TMEM144: variants seen among roughly 807,000 people sequenced by gnomAD.
TMEM144 encodes the protein transmembrane protein 144.
In TMEM144, 39 loss-of-function variants were observed where a neutral mutation model predicts 43.6. That is an observed-to-expected ratio of 0.90 (90% CI 0.69 to 1.17). The LOEUF is 1.17. Ranked by LOEUF, TMEM144 falls within the 50% of genes most tolerant of loss-of-function variation. The probability of loss-of-function intolerance (pLI) is 0.00; values close to 1 mark genes in which losing one functional copy is unlikely to be tolerated. For synonymous variants in TMEM144, 154 were observed against 133.6 expected (o/e 1.15, Z -1.06); for missense variants, 417 against 411.9 (o/e 1.01, Z -0.11).
chr4:158,240,490 T>G, intron 10 of TMEM144, 72 bp downstream of exon 10: 1 of 1,502,992 alleles, frequency 6.7e-7, no homozygotes. Context: ...TTGAATAAGT[T>G]TCTTCTGGAA....
intron 8 of TMEM144, among the ~76,000 whole-genome samples, chr4:158,236,662 C>G (rs1004561837): frequency 6.6e-6 from 1 of 151,964 alleles, no homozygotes; most frequent in Non-Finnish European, 1.5e-5. Flanking sequence ...CAACTGTCTT[C>G]TGTTTGGAAG....
intron 12 of TMEM144, among the ~76,000 whole-genome samples, chr4:158,248,139 A>C (rs1054735747): frequency 1.3e-5 from 2 of 151,332 alleles, no homozygotes; most frequent in African/African-American, 4.8e-5. Context: ...AAAAAAAAAA[A>C]AAAAAACCTG....
In TMEM144 at chr4:158,211,196, G is replaced by A. The variant is rs1733943473; in HGVS notation, c.-182-257G>A. 2.6e-5 allele frequency: 4 copies of A among 152,170 alleles called. No homozygotes were observed. In the South Asian group the frequency reaches 8.3e-4, roughly 32 times the overall value. The allele number at this position is 152,170 out of a possible 1,614,324, so 9.4% of individuals were successfully genotyped here. ...ATGCAATAAACTTCATTTATCTATA[G>A]GTAATAACTGATTGATGTTTATTCA... On this transcript the variant is annotated intron_variant, in intron 1 of 12. Transcript: ENST00000296529.
intron 6 of TMEM144, among the ~76,000 whole-genome samples, chr4:158,221,702 T>G (rs764834537): frequency 2.0e-5 from 3 of 152,206 alleles, no homozygotes; most frequent in Non-Finnish European, 4.4e-5. Context: ...CACAGCTTCA[T>G]CTATTATTTT....
chr4:158,222,671 C>T (rs1383655254), intron 6 of TMEM144, among the ~76,000 whole-genome samples: 1 of 152,176 alleles, frequency 6.6e-6, no homozygotes, highest in East Asian at 1.9e-4. Context: ...TTTCTATATA[C>T]ACCATTCCTC....
Position 158,215,629 on chromosome 4 carries a change from T to A in TMEM144, c.232+316T>A, listed in dbSNP as rs1409985404. On this transcript the variant is annotated intron_variant, in intron 4 of 12. Transcript: ENST00000296529. ...TATTATTTTAATGTGTTCTGGCCCT[T>A]TTTTCTAGCATGTTTATCAGAAAAT... 3.3e-5 allele frequency among the ~76,000 whole-genome samples: 5 copies of A among 152,312 alleles called. No individual in the cohort carries two copies. The South Asian group carries it at 1.0e-3, about 32-fold the overall frequency.
chr4:158,235,935 A>G (rs998338413), intron 8 of TMEM144, among the ~76,000 whole-genome samples: 1 of 152,180 alleles, frequency 6.6e-6, no homozygotes, highest in Non-Finnish European at 1.5e-5. Flanking sequence ...ATAATTCCAG[A>G]CATTCATTGT....
chr4:158,229,140 T>A (rs142857767), intron 6 of TMEM144, among the ~76,000 whole-genome samples: 2,203 of 152,212 alleles, frequency 0.014, 29 homozygotes, highest in Middle Eastern at 0.024. Context: ...TTCCTTGGTT[T>A]TGGGTCTGGT....
chr4:158,243,707 C>G (rs1341574488), intron 11 of TMEM144, among the ~76,000 whole-genome samples: 1 of 152,098 alleles, frequency 6.6e-6, no homozygotes, highest in Non-Finnish European at 1.5e-5. Flanking sequence ...CCCAGAAACC[C>G]CTATTGTTTT....
In TMEM144 at chr4:158,235,471, G is replaced by T; in HGVS notation, c.529G>T (p.Val177Leu). ...CACAACCCAAGACCCCTGTTCCTGG[G>T]TGGATAAACTTTCTACAGTACACCA... ...INTTQDPCSWVDKLSTVHHRI... is the reference protein window; with the variant it reads ...INTTQDPCSWLDKLSTVHHRI... Residue 177 changes from valine to leucine, a missense_variant, in exon 8 of 13, where the codon GTG (valine) becomes TTG (leucine). By Grantham distance (32) the Val-to-Leu change is conservative (BLOSUM62 1). Transcript: ENST00000296529. 1 of 1,613,962 alleles carries T rather than the reference G, an allele frequency of 6.2e-7. No individual in the cohort carries two copies. The highest frequency in any genetic ancestry group is 1.7e-5 in the Admixed American group (1 of 60,024).
At chr4:158,241,197 A>G (rs1477563950) in intron 10 of TMEM144, among the ~76,000 whole-genome samples, 1 of 151,720 alleles carries the variant, frequency 6.6e-6, no homozygotes, top group Non-Finnish European at 1.5e-5. Flanking sequence ...GGTAAATGGT[A>G]TTTGCAGATA....
At chr4:158,248,146 C>A (rs1253360931) in intron 12 of TMEM144, among the ~76,000 whole-genome samples, 13 of 137,548 alleles carry the variant, frequency 9.5e-5, no homozygotes, top group African/African-American at 3.0e-4. Context: ...AAAAAAAAAA[C>A]CTGGGGCCAG....
chr4:158,251,844 C>T (rs969622567), intron 12 of TMEM144, among the ~76,000 whole-genome samples: 1 of 152,030 alleles, frequency 6.6e-6, no homozygotes, highest in Non-Finnish European at 1.5e-5. Context: ...TGAGTATGTC[C>T]GCACTCCACT....
chr4:158,211,073 C>A (rs1369714892), intron 1 of TMEM144: 1 of 152,140 alleles, frequency 6.6e-6, no homozygotes, highest in Admixed American at 6.5e-5. Context: ...ACAAAAATTT[C>A]ATTATTTTAG....
intron 12 of TMEM144, among the ~76,000 whole-genome samples, chr4:158,248,141 A>C (rs1040067510): frequency 2.0e-5 from 3 of 151,468 alleles, no homozygotes; most frequent in Non-Finnish European, 4.4e-5. Flanking sequence ...AAAAAAAAAA[A>C]AAAACCTGGG....
intron 11 of TMEM144, 36 bp from the exon 12 acceptor site, chr4:158,244,260 T>C: frequency 1.4e-6 from 2 of 1,447,076 alleles, no homozygotes; most frequent in Non-Finnish European, 1.9e-6. Flanking sequence ...CATAGGTAAA[T>C]ATCCAATTTA....
rs565207581 is a variant in TMEM144, at chr4:158,250,490, C to T, written c.955-2954C>T. On this transcript the variant is annotated intron_variant, in intron 12 of 12. Coordinates refer to ENST00000296529, the MANE Select transcript of TMEM144 (RefSeq NM_018342.5). ...TTTCACTGTGGAGCCAGGAGAGCCA[C>T]GTGTTCCTACTGTCAACCCGTCTAT... Among the ~76,000 whole-genome samples the T allele has an allele frequency of 7.2e-5, 11 of 152,252 alleles. No individual in the cohort carries two copies. The South Asian group carries it at 1.0e-3, about 14-fold the overall frequency.
At chr4:158,240,275 A>G (rs747386582) in intron 9 of TMEM144, 24 bp from the exon 10 acceptor site, 1 of 1,592,106 alleles carries the variant, frequency 6.3e-7, no homozygotes, top group Non-Finnish European at 8.5e-7. Context: ...ATGGTGTTTG[A>G]GAGTTTTTAA....
intron 5 of TMEM144, 68 bp downstream of exon 5, chr4:158,217,488 C>G: frequency 1.8e-6 from 2 of 1,113,614 alleles, no homozygotes; most frequent in East Asian, 4.8e-5. Flanking sequence ...CAAGTGATTA[C>G]CGAGAGGAAT....
Sources: allele counts gnomAD v4.1 joint callset (sites outside exome capture counted in the v4.1 genomes callset), GRCh38; gene constraint gnomAD v4.1.1; transcripts MANE v1.5; gene names NCBI Gene and HGNC (gene_info 2026-07-23, HGNC 2026-07-21).